PCDHA12: variants seen among roughly 807,000 people sequenced by gnomAD.
The protein encoded by PCDHA12 is protocadherin alpha-12.
Under a neutral mutation model 60.0 loss-of-function variants are expected in PCDHA12, and 44 were observed. The ratio of observed to expected loss-of-function variants is 0.73; its 90% CI spans 0.58 to 0.94. PCDHA12 has a LOEUF of 0.94. Ranked by LOEUF, PCDHA12 falls within the 40% of genes least tolerant of loss-of-function variation. PCDHA12 has a pLI of 0.00. For synonymous variants in PCDHA12, 569 were observed against 553.0 expected (o/e 1.03, Z -0.40); for missense variants, 1,276 against 1,239.7 (o/e 1.03, Z -0.44).
intron 1 of PCDHA12, chr5:140,969,495 C>G: frequency 7.0e-7 from 1 of 1,437,888 alleles, no homozygotes; most frequent in Non-Finnish European, 9.2e-7. Context: ...TATTTCCTCT[C>G]TAGAAAAATA....
Position 140,877,121 on chromosome 5 carries a change from C to A in PCDHA12, c.1649C>A (p.Thr550Lys). ...AGVPPLGSNVTLQVFVLDEND... is the reference protein window; with the variant it reads ...AGVPPLGSNVKLQVFVLDEND... Reference sequence around the variant, plus strand: ...GTGCCGCCTCTGGGCAGCAACGTGACGCTGCAGGTGTTCGTGCTGGACGAG... The same window carrying A: ...GTGCCGCCTCTGGGCAGCAACGTGAAGCTGCAGGTGTTCGTGCTGGACGAG... Residue 550 changes from threonine to lysine, a missense_variant, in exon 1 of 4, where the codon ACG becomes AAG. Transcript: ENST00000398631. 6.2e-7 allele frequency: 1 copy of A among 1,613,694 alleles called. No homozygotes were observed. Among genetic ancestry groups the A allele is most frequent in the African/African-American group, 1.3e-5 (1 of 75,054 alleles).
At chr5:140,940,795 A>G (rs2153647229) in intron 1 of PCDHA12, among the ~76,000 whole-genome samples, 1 of 152,276 alleles carries the variant, frequency 6.6e-6, no homozygotes, top group Non-Finnish European at 1.5e-5. Flanking sequence ...TGAAAATGAT[A>G]TTTGCCAGGA....
In PCDHA12 at chr5:141,011,632, C is replaced by T. The variant is rs1333162247; in HGVS notation, c.*1695C>T. Reference sequence around the variant, plus strand: ...TTTATGGTCCAGCCAAGAGCCATCTCGTGCCAAGACTTCTGCTGGCAAGGG... The same window carrying T: ...TTTATGGTCCAGCCAAGAGCCATCTTGTGCCAAGACTTCTGCTGGCAAGGG... On this transcript the variant is annotated 3_prime_UTR_variant, in exon 4 of 4. Transcript: ENST00000398631. The T allele has an allele frequency of 1.3e-5, 2 of 153,656 alleles. No homozygotes were observed. The highest frequency in any genetic ancestry group is 4.8e-5 in the African/African-American group (2 of 41,412). 9.5% of individuals were successfully genotyped at this position (153,656 alleles called of 1,614,324 possible).
Position 140,946,631 on chromosome 5 carries a change from T to TATATATATATATATAC in PCDHA12, c.2368-32317_2368-32316insTATATATATATATACA, listed in dbSNP as rs57893927. On this transcript the variant is annotated intron_variant, in intron 1 of 3. Coordinates refer to ENST00000398631, the MANE Select transcript of PCDHA12 (RefSeq NM_018903.4). The stretch of plus-strand genomic sequence containing the variant: ...TGTGAAATATATATATATATATATA[T>TATATATATATATATAC]ACAATGGAATACTCATCAGCCATTA... 8.0e-3 allele frequency among the ~76,000 whole-genome samples: 1,048 copies of TATATATATATATATAC among 131,788 alleles called. 65 individuals carry two copies. Among genetic ancestry groups the TATATATATATATATAC allele is most frequent in the African/African-American group, 0.026 (735 of 28,674 alleles). The allele number at this position is 131,788 out of a possible 152,430, so 86.5% of individuals were successfully genotyped here. A position where few individuals can be genotyped will look rare whatever the true frequency, so the allele number is the denominator to read the frequency against.
intron 1 of PCDHA12, among the ~76,000 whole-genome samples, chr5:140,977,726 C>T (rs368776202): frequency 2.0e-5 from 3 of 152,290 alleles, no homozygotes; most frequent in African/African-American, 7.2e-5. Flanking sequence ...GATCATTTCT[C>T]TCCTGGGTGT....
intron 1 of PCDHA12, among the ~76,000 whole-genome samples, chr5:140,962,930 C>T (rs2095720492): frequency 6.6e-6 from 1 of 152,144 alleles, no homozygotes; most frequent in Admixed American, 6.5e-5. Context: ...TACTTCTCAA[C>T]CTCCTCTCCA....
At chr5:140,968,995 A>G in intron 1 of PCDHA12, 2 of 1,614,200 alleles carry the variant, frequency 1.2e-6, no homozygotes, top group Non-Finnish European at 1.7e-6. Flanking sequence ...CATGCTGTGG[A>G]GGCTTCTGTG....
chr5:140,926,892 G>A (rs781956892), intron 1 of PCDHA12: 10 of 1,546,640 alleles, frequency 6.5e-6, no homozygotes, highest in African/African-American at 2.7e-5. Context: ...CTAGAGGGAG[G>A]ATGGTGGGCT....
chr5:140,993,380 C>G (rs1304300325), intron 3 of PCDHA12, among the ~76,000 whole-genome samples: 1 of 151,860 alleles, frequency 6.6e-6, no homozygotes, highest in Non-Finnish European at 1.5e-5. Context: ...CCAGCCGGGT[C>G]CCTGAAACTC....
chr5:140,971,692 C>T (rs2096492766), intron 1 of PCDHA12, among the ~76,000 whole-genome samples: 1 of 152,116 alleles, frequency 6.6e-6, no homozygotes, highest in South Asian at 2.1e-4. Context: ...TTTGTACTCA[C>T]TAACCACCCT....
At chr5:140,881,559 C>G (rs1293330721) in intron 1 of PCDHA12, among the ~76,000 whole-genome samples, 2 of 152,174 alleles carry the variant, frequency 1.3e-5, no homozygotes, top group Admixed American at 6.5e-5. Context: ...ATATAAATAT[C>G]TTATCTACAT....
intron 3 of PCDHA12, among the ~76,000 whole-genome samples, chr5:141,000,533 T>G (rs1554257655): frequency 3.4e-5 from 5 of 147,384 alleles, no homozygotes; most frequent in Admixed American, 1.4e-4. Context: ...GTTCAAGTGA[T>G]TCTCATGCCT....
chr5:140,966,589 GGCCAGGA>G (rs1554228448), intron 1 of PCDHA12: 2 of 580,716 alleles, frequency 3.4e-6, no homozygotes, highest in Non-Finnish European at 5.5e-6. Flanking sequence ...AGGACGGTGG[GGCCAGGA>G]GCCCTTGGGA....
At position 140,926,799 on chromosome 5, in the gene PCDHA12, T is replaced by G. The variant is rs561004739; in HGVS notation, c.2367+48960T>G. Reference sequence around the variant, plus strand: ...AGTGACGGCCGGCAGGAGCGTGCTCTTCCCCGCGGCTCGTGCTCTCCAGGA... The same window carrying G: ...AGTGACGGCCGGCAGGAGCGTGCTCGTCCCCGCGGCTCGTGCTCTCCAGGA... On this transcript the variant is annotated intron_variant, in intron 1 of 3. Transcript: ENST00000398631. The G allele has an allele frequency of 1.6e-4, 230 of 1,456,322 alleles. 2 individuals carry two copies. The African/African-American group carries it at 2.6e-3, about 16-fold the overall frequency. The allele number at this position is 1,456,322 out of a possible 1,614,324, so 90.2% of individuals were successfully genotyped here.
chr5:140,884,559 C>G lies in PCDHA12; in HGVS notation c.2367+6720C>G. On this transcript the variant is annotated intron_variant, in intron 1 of 3. Transcript: ENST00000398631. ...CCGAGGGTGTGCTCTGGGGAGGGCC[C>G]GCATAAGACGGACCTCATGGCCTTC... The G allele has an allele frequency of 1.2e-6, 2 of 1,614,094 alleles. No individual in the cohort carries two copies. The highest frequency in any genetic ancestry group is 1.7e-5 in the Admixed American group (1 of 59,984).
intron 1 of PCDHA12, among the ~76,000 whole-genome samples, chr5:140,964,657 G>A (rs2067599): frequency 0.18 from 27,796 of 151,812 alleles, 2,893 homozygotes; most frequent in African/African-American, 0.28. Context: ...TAATGGGTGA[G>A]GACACAGGCC....
chr5:140,967,019 C>T (rs887648506), intron 1 of PCDHA12: 1 of 1,607,542 alleles, frequency 6.2e-7, no homozygotes, highest in Non-Finnish European at 8.5e-7. Flanking sequence ...TCTGGGTGCG[C>T]CCAGTCCGCG....
At chr5:140,969,087 T>C (rs146741684) in intron 1 of PCDHA12, 741 of 1,613,920 alleles carry the variant, frequency 4.6e-4, no homozygotes, top group Non-Finnish European at 5.8e-4. Flanking sequence ...GGCCTCAAAG[T>C]GCAGCCTCAC....
Position 140,983,978 on chromosome 5 carries a change from G to A in PCDHA12, c.2515+1415G>A, listed in dbSNP as rs529150173. Among the ~76,000 whole-genome samples the A allele has an allele frequency of 5.3e-5, 8 of 152,266 alleles. No individual in the cohort carries two copies. The South Asian group carries it at 1.5e-3, about 28-fold the overall frequency. Reference sequence around the variant, plus strand: ...AGTCACATTTGTCCAAAAAATATACGAGTTGAAGCAATTCATTAGAGAGCT... The same window carrying A: ...AGTCACATTTGTCCAAAAAATATACAAGTTGAAGCAATTCATTAGAGAGCT... On this transcript the variant is annotated intron_variant, in intron 3 of 3. Transcript: ENST00000398631.
Sources: gnomAD v4.1 joint callset for allele counts (sites outside exome capture counted in the v4.1 genomes callset) on GRCh38, gnomAD v4.1.1 for gene constraint, MANE v1.5 for transcripts, NCBI Gene and HGNC (gene_info 2026-07-23, HGNC 2026-07-21) for gene names.